CDC25A: variants seen among roughly 807,000 people sequenced by gnomAD.
CDC25A encodes the protein cell division cycle 25A.
In CDC25A, 17 loss-of-function variants were observed where a neutral mutation model predicts 64.6. The observed-to-expected ratio is 0.26, with a 90% confidence interval of 0.18 to 0.39. The LOEUF (loss-of-function observed/expected upper bound fraction) is 0.39. CDC25A is among the 10% of genes least tolerant of loss of function. CDC25A has a pLI of 1.00. For missense variants in CDC25A, 473 were observed against 654.8 expected (o/e 0.72, Z 3.03); for synonymous variants, 229 against 238.6 (o/e 0.96, Z 0.37).
intron 13 of CDC25A, among the ~76,000 whole-genome samples, chr3:48,160,771 G>C (rs2106681310): frequency 6.6e-6 from 1 of 152,228 alleles, no homozygotes; most frequent in South Asian, 2.1e-4. Context: ...TTCTCTTGAA[G>C]CTCAGTGGTT....
chr3:48,175,102 C>A (rs1268914983), intron 8 of CDC25A, among the ~76,000 whole-genome samples: 6 of 152,108 alleles, frequency 3.9e-5, no homozygotes, highest in Non-Finnish European at 2.9e-5. Context: ...CAATAACAGC[C>A]TGGCCAACAT....
chr3:48,165,669 T>C lies in CDC25A; in HGVS notation c.1158A>G (p.Arg386=). The change falls in exon 12 of 15, where the codon CGA becomes CGG. Residue 386 remains arginine (R), a synonymous_variant. Coordinates refer to ENST00000302506, the MANE Select transcript of CDC25A (RefSeq NM_001789.3). ...LIKEFVIIDC[R]YPYEYEGGHI... ...GGCCTCCCTCGTATTCATATGGGTA[T>C]CGACAGTCGATGATAACAAACTCTT... The C allele has an allele frequency of 1.9e-6, 3 of 1,614,004 alleles. No homozygotes were observed. Among genetic ancestry groups the C allele is most frequent in the Non-Finnish European group, 2.5e-6 (3 of 1,179,884 alleles).
At chr3:48,161,818 T>C (rs928716843) in intron 13 of CDC25A, among the ~76,000 whole-genome samples, 2 of 152,084 alleles carry the variant, frequency 1.3e-5, no homozygotes, top group African/African-American at 4.8e-5. Context: ...CCCAGCACTT[T>C]GGGAGGCTGA....
intron 4 of CDC25A, among the ~76,000 whole-genome samples, chr3:48,183,587 G>A (rs1446788875): frequency 6.6e-6 from 1 of 152,142 alleles, no homozygotes; most frequent in Non-Finnish European, 1.5e-5. Flanking sequence ...AAGTTGAGGT[G>A]GGAGGATCAC....
intron 6 of CDC25A, chr3:48,180,458 G>T: frequency 2.9e-6 from 1 of 341,344 alleles, no homozygotes; most frequent in Non-Finnish European, 5.3e-6. Flanking sequence ...CATTTAGGAT[G>T]ACCCAGGATT....
chr3:48,158,989 C>T lies in CDC25A; in HGVS notation c.1531G>A (p.Glu511Lys), dbSNP rs1024619739. The T allele has an allele frequency of 1.2e-6, 2 of 1,614,052 alleles. No individual in the cohort carries two copies. The highest frequency in any genetic ancestry group is 1.3e-5 in the African/African-American group (1 of 74,906). ...CTGTACATCTCCCTCTTGCTCTTCTCCCCTGCCCAGGTCCGGCTCTTGGTG... is the reference window on the plus strand; with the variant it reads ...CTGTACATCTCCCTCTTGCTCTTCTTCCCTGCCCAGGTCCGGCTCTTGGTG... Reference protein sequence around the residue: ...FRTKSRTWAGEKSKREMYSRL... With the variant: ...FRTKSRTWAGKKSKREMYSRL... The change falls in exon 15 of 15, where the codon GAG becomes AAG. Residue 511 changes from glutamate to lysine, a missense_variant. Transcript: ENST00000302506.
intron 4 of CDC25A, 107 bp from the exon 5 acceptor site, chr3:48,183,137 C>T (rs2032725813): frequency 2.9e-6 from 2 of 699,736 alleles, no homozygotes; most frequent in African/African-American, 1.8e-5. Flanking sequence ...GGTAGACTAG[C>T]TCCTCACACA....
At position 48,180,750 on chromosome 3, in the gene CDC25A, G is replaced by GT. The variant is rs766815798; in HGVS notation, c.519dup (p.Gln174ThrfsTer15). 6.2e-7 allele frequency: 1 copy of GT among 1,614,140 alleles called. No homozygotes were observed. Among genetic ancestry groups the GT allele is most frequent in the Admixed American group, 1.7e-5 (1 of 60,016 alleles). ...CGAGCTGGGGCAGAGTTCTGCCTCTGTGTGAAGAGATCTTTACCCTCCTGG... is the reference window on the plus strand; with the variant it reads ...CGAGCTGGGGCAGAGTTCTGCCTCTGTTGTGAAGAGATCTTTACCCTCCTGG... On this transcript the variant is annotated frameshift_variant, in exon 6 of 15. Coordinates refer to ENST00000302506, the MANE Select transcript of CDC25A (RefSeq NM_001789.3). LOFTEE classifies it high-confidence loss of function.
chr3:48,186,582 A>G, intron 2 of CDC25A, 121 bp downstream of exon 2: 1 of 611,278 alleles, frequency 1.6e-6, no homozygotes, highest in Non-Finnish European at 2.9e-6. Flanking sequence ...AAAAAAAAAA[A>G]AAAAAGTTTA....
chr3:48,162,203 A>G (rs1047452369), intron 13 of CDC25A, among the ~76,000 whole-genome samples: 3 of 152,124 alleles, frequency 2.0e-5, no homozygotes, highest in Non-Finnish European at 4.4e-5. Context: ...GAGCATGTAC[A>G]TACAAATGTG....
intron 9 of CDC25A, among the ~76,000 whole-genome samples, chr3:48,171,581 A>G (rs931282292): frequency 6.6e-6 from 1 of 151,744 alleles, no homozygotes; most frequent in Non-Finnish European, 1.5e-5. Flanking sequence ...GGGTTTCACC[A>G]TATTGGCCAG....
chr3:48,171,441 C>T (rs2032266945), intron 9 of CDC25A, among the ~76,000 whole-genome samples: 2 of 147,154 alleles, frequency 1.4e-5, no homozygotes, highest in African/African-American at 2.5e-5. Flanking sequence ...AGTGCAGTGG[C>T]GTGATCTCTG....
At chr3:48,169,194 CCA>C (rs2032173714) in intron 9 of CDC25A, among the ~76,000 whole-genome samples, 1 of 152,152 alleles carries the variant, frequency 6.6e-6, no homozygotes, top group Non-Finnish European at 1.5e-5. Context: ...CCAAGGGTAA[CCA>C]CAGTGTTTGA....
Position 48,157,587 on chromosome 3 carries a change from T to A in CDC25A, c.*1358A>T, listed in dbSNP as rs1407030866. On this transcript the variant is annotated 3_prime_UTR_variant, in exon 15 of 15. Coordinates refer to ENST00000302506, the MANE Select transcript of CDC25A (RefSeq NM_001789.3). The stretch of plus-strand genomic sequence containing the variant: ...AGGGATGAGTAGGCACTGAAACAGG[T>A]CTCTCTAGAATCAATGAAGTCTGCC... The A allele has an allele frequency of 6.6e-6, 1 of 152,500 alleles. No homozygotes were observed. Among genetic ancestry groups the A allele is most frequent in the Non-Finnish European group, 1.5e-5 (1 of 68,034 alleles). The allele number at this position is 152,500 out of a possible 1,614,324, so 9.4% of individuals were successfully genotyped here.
At chr3:48,174,138 AACACACACACACCCAC>A (rs2032367476) in intron 9 of CDC25A, 130 bp downstream of exon 9, 1 of 694,794 alleles carries the variant, frequency 1.4e-6, no homozygotes, top group Non-Finnish European at 2.3e-6. Context: ...TATTAAAAGA[AACACACACACACCCAC>A]ACACACACAC....
At chr3:48,166,091 C>T (rs1319340556) in intron 10 of CDC25A, among the ~76,000 whole-genome samples, 198 bp from the exon 11 acceptor site, 1 of 152,120 alleles carries the variant, frequency 6.6e-6, no homozygotes, top group Non-Finnish European at 1.5e-5. Context: ...TCGAGACAAG[C>T]CTGGCCAACA....
In CDC25A at chr3:48,158,202, TTA is replaced by T. The variant is rs1186971938; in HGVS notation, c.*741_*742del. The T allele has an allele frequency of 2.6e-5, 4 of 152,568 alleles. No individual in the cohort carries two copies. Among genetic ancestry groups the T allele is most frequent in the Non-Finnish European group, 4.4e-5 (3 of 68,026 alleles). The allele number at this position is 152,568 out of a possible 1,614,324, so 9.5% of individuals were successfully genotyped here. A position where few individuals can be genotyped will look rare whatever the true frequency, so the allele number is the denominator to read the frequency against. On this transcript the variant is annotated 3_prime_UTR_variant, in exon 15 of 15. Coordinates refer to ENST00000302506, the MANE Select transcript of CDC25A (RefSeq NM_001789.3). ...CAGTGGTGGGTCTGGGAGATTTAGC[TTA>T]TGTCAGGCAGCCAAGCCTGGGTCCA...
At chr3:48,171,544 C>G (rs2032271098) in intron 9 of CDC25A, among the ~76,000 whole-genome samples, 1 of 151,450 alleles carries the variant, frequency 6.6e-6, no homozygotes, top group Non-Finnish European at 1.5e-5. Context: ...CCACACCCAG[C>G]TATTTTTTGT....
chr3:48,172,879 A>G (rs2032319219), intron 9 of CDC25A, among the ~76,000 whole-genome samples: 1 of 151,692 alleles, frequency 6.6e-6, no homozygotes, highest in South Asian at 2.1e-4. Flanking sequence ...GGAAACAACA[A>G]AACAGCCTAT....
Sources: gnomAD v4.1 joint callset for allele counts (sites outside exome capture counted in the v4.1 genomes callset) on GRCh38, gnomAD v4.1.1 for gene constraint, MANE v1.5 for transcripts, NCBI Gene and HGNC (gene_info 2026-07-23, HGNC 2026-07-21) for gene names.